Variants in ADK observed in about 807,000 individuals in gnomAD.
The protein encoded by ADK is adenosine kinase.
Under a neutral mutation model 44.7 loss-of-function variants are expected in ADK, and 24 were observed. The ratio of observed to expected loss-of-function variants is 0.54; its 90% CI spans 0.39 to 0.76. The LOEUF is 0.76. ADK is among the 30% of genes least tolerant of loss of function. ADK has a pLI of 0.00. For missense variants in ADK, 321 were observed against 425.1 expected (o/e 0.76, Z 2.15); for synonymous variants, 128 against 142.6 (o/e 0.90, Z 0.73).
chr10:74,705,801 TAGTC>T (rs1381628739), intron 10 of ADK, among the ~76,000 whole-genome samples: 1 of 152,252 alleles, frequency 6.6e-6, no homozygotes, highest in African/African-American at 2.4e-5. Context: ...ACACTTGTTA[TAGTC>T]AGTCTTTTCA....
At chr10:74,315,962 G>C (rs1438190961) in intron 4 of ADK, among the ~76,000 whole-genome samples, 1 of 152,126 alleles carries the variant, frequency 6.6e-6, no homozygotes, top group Non-Finnish European at 1.5e-5. Flanking sequence ...TTACGGCCAG[G>C]CACGGTGGCT....
chr10:74,440,062 A>C (rs914594035), intron 6 of ADK, among the ~76,000 whole-genome samples: 2 of 152,050 alleles, frequency 1.3e-5, no homozygotes, highest in African/African-American at 4.8e-5. Context: ...TTCAAAAGCT[A>C]TAATATATTT....
chr10:74,688,657 G>A (rs1855874262), intron 10 of ADK, among the ~76,000 whole-genome samples: 1 of 152,198 alleles, frequency 6.6e-6, no homozygotes, highest in African/African-American at 2.4e-5. Context: ...GCTTACGCGT[G>A]TAATCCCAGC....
rs866625653 is a variant in ADK at position 74,535,580 on chromosome 10, A to T, written c.726+10154A>T. Among the ~76,000 whole-genome samples the T allele has an allele frequency of 4.8e-3, 617 of 129,488 alleles. 1 individual carries two copies. Among genetic ancestry groups the T allele is most frequent in the Middle Eastern group, 0.022 (5 of 226 alleles). The allele number at this position is 129,488 out of a possible 152,430, so 84.9% of individuals were successfully genotyped here. On this transcript the variant is annotated intron_variant, in intron 7 of 10. Transcript: ENST00000539909. ...AGGCATGCTCAAAGGTTTTGACCCT[A>T]TTTTTTTTTTTTTTTTTTTGAGACA...
intron 10 of ADK, among the ~76,000 whole-genome samples, chr10:74,696,487 T>G (rs1239467068): frequency 1.3e-5 from 2 of 151,544 alleles, no homozygotes; most frequent in Non-Finnish European, 2.9e-5. Context: ...TGCCTCAGCC[T>G]CCCGAGTAGC....
chr10:74,515,214 T>A (rs1351294926), intron 6 of ADK, among the ~76,000 whole-genome samples: 2 of 152,252 alleles, frequency 1.3e-5, no homozygotes, highest in African/African-American at 2.4e-5. Flanking sequence ...TTTTGTAGTC[T>A]CTGAGTAATT....
At chr10:74,423,820 C>A in intron 6 of ADK, 2 of 301,810 alleles carry the variant, frequency 6.6e-6, no homozygotes, top group South Asian at 3.4e-5. Context: ...AGCGCTGCCC[C>A]AGATCTCAAA....
chr10:74,334,994 A>G (rs964012239), intron 4 of ADK, among the ~76,000 whole-genome samples: 14 of 152,298 alleles, frequency 9.2e-5, no homozygotes, highest in South Asian at 4.1e-4. Flanking sequence ...CTCTTTCTCT[A>G]CTATGACTTG....
chr10:74,270,984 G>C (rs958814433), intron 3 of ADK, among the ~76,000 whole-genome samples: 3 of 152,134 alleles, frequency 2.0e-5, no homozygotes, highest in African/African-American at 4.8e-5. Context: ...TTTTAGTGTA[G>C]ACAAAACTGG....
At chr10:74,382,191 C>G (rs953120551) in intron 4 of ADK, among the ~76,000 whole-genome samples, 1 of 152,144 alleles carries the variant, frequency 6.6e-6, no homozygotes, top group Non-Finnish European at 1.5e-5. Flanking sequence ...CTCTACCTCC[C>G]AGGCTCAGGC....
chr10:74,258,321 A>G (rs1352899214), intron 3 of ADK, among the ~76,000 whole-genome samples: 3 of 152,156 alleles, frequency 2.0e-5, no homozygotes, highest in African/African-American at 7.2e-5. Context: ...TTTCTCCTCT[A>G]AAAGGATTTG....
chr10:74,423,813 G>A lies in ADK; in HGVS notation c.555+25234G>A, dbSNP rs371945794. 2.5e-3 allele frequency: 787 copies of A among 309,896 alleles called. 13 individuals carry two copies. Among genetic ancestry groups the A allele is most frequent in the South Asian group, 0.022 (688 of 30,808 alleles). The allele number at this position is 309,896 out of a possible 1,614,324, so 19.2% of individuals were successfully genotyped here. A position where few individuals can be genotyped will look rare whatever the true frequency, so the allele number is the denominator to read the frequency against. ...GGCTATGATACCGCTCCTGTCCAGC[G>A]CTGCCCCAGATCTCAAACTTGACTA... On this transcript the variant is annotated intron_variant, in intron 6 of 10. Transcript: ENST00000539909.
At chr10:74,304,841 T>C (rs1040706303) in intron 3 of ADK, among the ~76,000 whole-genome samples, 4 of 152,200 alleles carry the variant, frequency 2.6e-5, no homozygotes, top group African/African-American at 7.2e-5. Context: ...TCAGGCACTA[T>C]GCTTAAATAT....
chr10:74,246,120 G>A (rs535595537), intron 3 of ADK, among the ~76,000 whole-genome samples: 3 of 150,676 alleles, frequency 2.0e-5, no homozygotes, highest in East Asian at 2.0e-4. Context: ...TCTTGTGGGA[G>A]GGGGGGGTCA....
intron 1 of ADK, among the ~76,000 whole-genome samples, chr10:74,198,011 A>G (rs137933259): frequency 2.3e-3 from 344 of 152,334 alleles, no homozygotes; most frequent in African/African-American, 7.7e-3. Context: ...TTTTGTGGTT[A>G]TATGACTGTA....
At chr10:74,266,584 A>T (rs550217084) in intron 3 of ADK, among the ~76,000 whole-genome samples, 84 of 152,136 alleles carry the variant, frequency 5.5e-4, no homozygotes, top group African/African-American at 2.0e-3. Flanking sequence ...AGAAAAAAAA[A>T]GGCACTGCTT....
At chr10:74,524,284 A>T (rs538367377) in intron 6 of ADK, among the ~76,000 whole-genome samples, 141 of 152,364 alleles carry the variant, frequency 9.3e-4, no homozygotes, top group Non-Finnish European at 1.5e-3. Flanking sequence ...GAAAAATTAA[A>T]TATTTTTCTT....
In ADK at chr10:74,264,588, T is replaced by G. The variant is rs11815536; in HGVS notation, c.194+39997T>G. On this transcript the variant is annotated intron_variant, in intron 3 of 10. Coordinates refer to ENST00000539909, the MANE Select transcript of ADK (RefSeq NM_006721.4). The stretch of plus-strand genomic sequence containing the variant: ...TCTGTGCCTAGTATGTGACTTGTCT[T>G]TCATTTTGTGGTGTCTTTTGCCTCA... 5.2e-3 allele frequency among the ~76,000 whole-genome samples: 798 copies of G among 152,326 alleles called. 12 individuals are homozygous for G. The highest frequency in any genetic ancestry group is 0.017 in the African/African-American group (724 of 41,582).
chr10:74,677,939 A>G (rs1301226122), intron 10 of ADK, among the ~76,000 whole-genome samples: 2 of 135,580 alleles, frequency 1.5e-5, no homozygotes, highest in Admixed American at 8.3e-5. Flanking sequence ...ACCAGCCTGC[A>G]CAGCACAGTG....
Sources: allele counts gnomAD v4.1 joint callset (sites outside exome capture counted in the v4.1 genomes callset), GRCh38; gene constraint gnomAD v4.1.1; transcripts MANE v1.5; gene names NCBI Gene and HGNC (gene_info 2026-07-23, HGNC 2026-07-21).